STK16: variants seen among roughly 807,000 people sequenced by gnomAD.
STK16 encodes serine/threonine kinase 16, also known as serine/threonine-protein kinase 16.
Under a neutral mutation model 37.8 loss-of-function variants are expected in STK16, and 28 were observed. The observed-to-expected ratio is 0.74, with a 90% CI of 0.55 to 1.02. The LOEUF is 1.02. Ranked by LOEUF, STK16 falls within the 50% of genes least tolerant of loss-of-function variation. STK16 has a pLI of 0.00. For missense variants in STK16, 349 were observed against 390.6 expected (o/e 0.89, Z 0.90); for synonymous variants, 134 against 155.0 (o/e 0.86, Z 1.01).
chr2:219,247,890 C>A, intron 6 of STK16, 133 bp downstream of exon 6: 1 of 922,330 alleles, frequency 1.1e-6, no homozygotes, highest in Admixed American at 2.0e-5. Flanking sequence ...ACTTCAACTT[C>A]CTTCCTGGGA....
rs1372287242 is a variant in STK16 at position 219,246,562 on chromosome 2, T to A, written c.87-95T>A. On this transcript the variant is annotated intron_variant, in intron 2 of 7. Coordinates refer to ENST00000396738, the MANE Select transcript of STK16 (RefSeq NM_001330213.2). This position sits in a 1 kb window ranked among gnomAD's most constrained non-coding sequence, Gnocchi z 4.5. Reference sequence around the variant, plus strand: ...ACATCTTGGGAAGGTTTCTGCTAAATGGGAAGGACACCCCACTCCCCACCA... The same window carrying A: ...ACATCTTGGGAAGGTTTCTGCTAAAAGGGAAGGACACCCCACTCCCCACCA... 3 of 933,188 alleles carry A rather than the reference T, an allele frequency of 3.2e-6. No homozygotes were observed. The East Asian group carries it at 7.6e-5, about 24-fold the overall frequency. The allele number at this position is 933,188 out of a possible 1,614,324, so 57.8% of individuals were successfully genotyped here. A position where few individuals can be genotyped will look rare whatever the true frequency, so the allele number is the denominator to read the frequency against.
rs1184555398 is a variant in STK16 at position 219,250,020 on chromosome 2, T to C, written c.*1461T>C. ...TTCAAAGACAGAAACCACTGGATTA[T>C]ACTCCTACTTGGAAAGGAGCTGAAG... is the stretch of plus-strand genomic sequence containing the variant. On this transcript the variant is annotated 3_prime_UTR_variant, in exon 8 of 8. Coordinates refer to ENST00000396738, the MANE Select transcript of STK16 (RefSeq NM_001330213.2). This position sits in a 1 kb window ranked among gnomAD's most constrained non-coding sequence, Gnocchi z 8.4. 1 of 273,192 alleles carries C rather than the reference T, an allele frequency of 3.7e-6. No homozygotes were observed. The allele number at this position is 273,192 out of a possible 1,614,324, so 16.9% of individuals were successfully genotyped here. A position where few individuals can be genotyped will look rare whatever the true frequency, so the allele number is the denominator to read the frequency against.
chr2:219,246,686 G>A lies in STK16; in HGVS notation c.116G>A (p.Gly39Glu). The A allele has an allele frequency of 6.2e-7, 1 of 1,614,218 alleles. No individual in the cohort carries two copies. The highest frequency in any genetic ancestry group is 1.7e-5 in the Admixed American group (1 of 60,016). ...TTCAGCTATGTGGACCTAGTGGAAG[G>A]GTTACATGATGGACACTTCTACGCC... ...GGFSYVDLVEGLHDGHFYALK... is the reference protein window; with the variant it reads ...GGFSYVDLVEELHDGHFYALK... The change falls in exon 3 of 8, where the codon GGG (glycine) becomes GAG (glutamate). Residue 39 changes from glycine to glutamate, a missense_variant. Gly to Glu is a moderately conservative substitution (Grantham distance 98). Coordinates refer to ENST00000396738, the MANE Select transcript of STK16 (RefSeq NM_001330213.2). The surrounding 1 kb of genome is among the most constrained non-coding windows in gnomAD (Gnocchi z 4.5).
chr2:219,248,749 T>C lies in STK16; in HGVS notation c.*190T>C. On this transcript the variant is annotated 3_prime_UTR_variant, in exon 8 of 8. Transcript: ENST00000396738. ...AAGAGCAAAACCTGGGCAAGGGGAC[T>C]TACTGAGTGGGGGTGGGTGGGGGTT... 1 of 536,564 alleles carries C rather than the reference T, an allele frequency of 1.9e-6. No individual in the cohort carries two copies. Among genetic ancestry groups the C allele is most frequent in the Non-Finnish European group, 3.2e-6 (1 of 308,568 alleles). 33.2% of individuals were successfully genotyped at this position (536,564 alleles called of 1,614,324 possible). A position where few individuals can be genotyped will look rare whatever the true frequency, so the allele number is the denominator to read the frequency against.
chr2:219,246,320 C>T lies in STK16; in HGVS notation c.86+235C>T, dbSNP rs192280432. On this transcript the variant is annotated intron_variant, in intron 2 of 7. Transcript: ENST00000396738. This position sits in a 1 kb window ranked among gnomAD's most constrained non-coding sequence, Gnocchi z 4.5. ...TCAGCTTAATGGAGATGATTATTATCCCTCACTGATGGAGTTGTGAGGATT... is the reference window on the plus strand; with the variant it reads ...TCAGCTTAATGGAGATGATTATTATTCCTCACTGATGGAGTTGTGAGGATT... 20 of 600,906 alleles carry T rather than the reference C, an allele frequency of 3.3e-5. No individual in the cohort carries two copies. The African/African-American group carries it at 3.3e-4, about 10-fold the overall frequency. The allele number at this position is 600,906 out of a possible 1,614,324, so 37.2% of individuals were successfully genotyped here.
At position 219,246,676 on chromosome 2, in the gene STK16, C is replaced by T; in HGVS notation, c.106C>T (p.Leu36=). The T allele has an allele frequency of 1.2e-6, 2 of 1,614,144 alleles. No individual in the cohort carries two copies. Among genetic ancestry groups the T allele is most frequent in the Non-Finnish European group, 1.7e-6 (2 of 1,180,012 alleles). Residue 36 remains leucine (L), a synonymous_variant, in exon 3 of 8, where the codon CTA becomes TTA. Transcript: ENST00000396738. This position sits in a 1 kb window ranked among gnomAD's most constrained non-coding sequence, Gnocchi z 4.5. ...LGEGGFSYVD[L]VEGLHDGHFY... ...CCACAGTGGGTTCAGCTATGTGGAC[C>T]TAGTGGAAGGGTTACATGATGGACA...
chr2:219,248,300 C>T lies in STK16; in HGVS notation c.765C>T (p.Ile255=). Residue 255 remains isoleucine (I), a synonymous_variant, in exon 7 of 8, where the codon ATC becomes ATT. Transcript: ENST00000396738. ...TTGCTGTGCAGAACCAACTCAGCATCCCACAAAGCCCCAGGTGAGTGAGCA... is the reference window on the plus strand; with the variant it reads ...TTGCTGTGCAGAACCAACTCAGCATTCCACAAAGCCCCAGGTGAGTGAGCA... The part of the protein sequence containing the change: ...VALAVQNQLS[I]PQSPRHSSAL... 6.2e-7 allele frequency: 1 copy of T among 1,614,136 alleles called. No homozygotes were observed. Among genetic ancestry groups the T allele is most frequent in the South Asian group, 1.1e-5 (1 of 91,088 alleles).
chr2:219,246,159 G>A lies in STK16; in HGVS notation c.86+74G>A. On this transcript the variant is annotated intron_variant, in intron 2 of 7. Transcript: ENST00000396738. The surrounding 1 kb of genome is among the most constrained non-coding windows in gnomAD (Gnocchi z 4.5). Reference sequence around the variant, plus strand: ...AAGGACAGCGGTGTGCATATGCTTGGGGCACAAGGGTTTTATCCCTATCCC... The same window carrying A: ...AAGGACAGCGGTGTGCATATGCTTGAGGCACAAGGGTTTTATCCCTATCCC... 1 of 1,318,848 alleles carries A rather than the reference G, an allele frequency of 7.6e-7. No individual in the cohort carries two copies. Among genetic ancestry groups the A allele is most frequent in the Non-Finnish European group, 1.1e-6 (1 of 927,968 alleles). The allele number at this position is 1,318,848 out of a possible 1,614,324, so 81.7% of individuals were successfully genotyped here. A position where few individuals can be genotyped will look rare whatever the true frequency, so the allele number is the denominator to read the frequency against.
In STK16 at chr2:219,248,493, TCTC is replaced by T. The variant is rs1172049307; in HGVS notation, c.859_861del (p.Leu287del). On this transcript the variant is annotated inframe_deletion, in exon 8 of 8. Transcript: ENST00000396738. ...ACCCGCATCAGCGTCCTCACATTCC[TCTC>T]CTCCTCAGTCAGCTGGAGGCGCTTC... 4 of 1,613,912 alleles carry T rather than the reference TCTC, an allele frequency of 2.5e-6. No homozygotes were observed. The highest frequency in any genetic ancestry group is 1.3e-5 in the African/African-American group (1 of 74,990).
Position 219,247,549 on chromosome 2 carries a change from C to T in STK16, c.561+14C>T. The T allele has an allele frequency of 6.2e-7, 1 of 1,614,210 alleles. No individual in the cohort carries two copies. The highest frequency in any genetic ancestry group is 8.5e-7 in the Non-Finnish European group (1 of 1,180,030). ...CTGACCCTGCAGGTAAAAGAGTCTC[C>T]AGGTTCCTTTTCTCACCTGTTCCCC... On this transcript the variant is annotated intron_variant, in intron 5 of 7. Coordinates refer to ENST00000396738, the MANE Select transcript of STK16 (RefSeq NM_001330213.2).
rs3755052 is a variant in STK16, at chr2:219,245,533, C to G, written c.-368C>G. 0.043 allele frequency: 6,581 copies of G among 154,350 alleles called. 268 individuals are homozygous for G. Among genetic ancestry groups the G allele is most frequent in the East Asian group, 0.11 (579 of 5,182 alleles). 9.6% of individuals were successfully genotyped at this position (154,350 alleles called of 1,614,324 possible). The stretch of plus-strand genomic sequence containing the variant: ...TCTGGCCCGAGCCAGGTCAGTCCGG[C>G]AGTGCAGATGGCCCATCCCGGGCTC... On this transcript the variant is annotated 5_prime_UTR_variant, in exon 1 of 8. Transcript: ENST00000396738.
In STK16 at chr2:219,248,209, T is replaced by C; in HGVS notation, c.674T>C (p.Leu225Pro). 6.2e-7 allele frequency: 1 copy of C among 1,614,202 alleles called. No individual in the cohort carries two copies. Residue 225 changes from leucine to proline, a missense_variant, in exon 7 of 8, where the codon CTA becomes CCA. Coordinates refer to ENST00000396738, the MANE Select transcript of STK16 (RefSeq NM_001330213.2). ...TATGCTCAGTCCCTAGGCTGCGTGCTATATGCCATGATGTTTGGGGAAGGC... is the reference window on the plus strand; with the variant it reads ...TATGCTCAGTCCCTAGGCTGCGTGCCATATGCCATGATGTTTGGGGAAGGC... ...RTDVWSLGCV[L>P]YAMMFGEGPY...
Position 219,248,434 on chromosome 2 carries a change from T to C in STK16, c.793T>C (p.Leu265=), listed in dbSNP as rs1319227215. Residue 265 remains leucine, a synonymous_variant, in exon 8 of 8, where the codon TTG becomes CTG. Coordinates refer to ENST00000396738, the MANE Select transcript of STK16 (RefSeq NM_001330213.2). The stretch of plus-strand genomic sequence containing the variant: ...CTCCCTCCACAGGCATTCTTCAGCA[T>C]TGCGGCAGCTCCTGAACTCGATGAT... ...IPQSPRHSSA[L]RQLLNSMMTV... is the part of the protein sequence containing the mutation. The C allele has an allele frequency of 9.3e-6, 15 of 1,613,908 alleles. No individual in the cohort carries two copies. The highest frequency in any genetic ancestry group is 1.6e-4 in the Middle Eastern group (1 of 6,084).
chr2:219,250,191 G>A lies in STK16; in HGVS notation c.*1632G>A. ...TTTGCAGGTCTCACCTTCAGCGATG[G>A]AAGGGATAAGGGTCATGAACAGCAA... On this transcript the variant is annotated 3_prime_UTR_variant, in exon 8 of 8. Coordinates refer to ENST00000396738, the MANE Select transcript of STK16 (RefSeq NM_001330213.2). The surrounding 1 kb of genome is among the most constrained non-coding windows in gnomAD (Gnocchi z 8.4). 9.3e-7 allele frequency: 1 copy of A among 1,070,024 alleles called. No homozygotes were observed. Among genetic ancestry groups the A allele is most frequent in the East Asian group, 2.4e-5 (1 of 41,804 alleles). The allele number at this position is 1,070,024 out of a possible 1,614,324, so 66.3% of individuals were successfully genotyped here. A position where few individuals can be genotyped will look rare whatever the true frequency, so the allele number is the denominator to read the frequency against.
In STK16 at chr2:219,248,682, A is replaced by G. The variant is rs891228214; in HGVS notation, c.*123A>G. ...ACTTGGGGGTAGCGGGGTCAGGACA[A>G]TCATCTCAGTCCTGCATCTTTTCTT... On this transcript the variant is annotated 3_prime_UTR_variant, in exon 8 of 8. Coordinates refer to ENST00000396738, the MANE Select transcript of STK16 (RefSeq NM_001330213.2). The G allele has an allele frequency of 4.4e-5, 57 of 1,295,102 alleles. No homozygotes were observed. In the East Asian group the frequency reaches 8.4e-4, roughly 19 times the overall value. The allele number at this position is 1,295,102 out of a possible 1,614,324, so 80.2% of individuals were successfully genotyped here.
At position 219,247,664 on chromosome 2, in the gene STK16, C is replaced by A; in HGVS notation, c.564C>A (p.Asp188Glu). 6.2e-7 allele frequency: 1 copy of A among 1,611,746 alleles called. No homozygotes were observed. The highest frequency in any genetic ancestry group is 8.5e-7 in the Non-Finnish European group (1 of 1,178,184). Residue 188 changes from aspartate (D) to glutamate (E), a missense_variant and splice_region_variant, in exon 6 of 8, where the codon GAC (aspartate) becomes GAA (glutamate). Asp to Glu is a conservative substitution (Grantham distance 45). Transcript: ENST00000396738. ...GAGCTCTGGGATCACTGTTCCAGGA[C>A]TGGGCAGCCCAGCGGTGCACCATCT... The part of the protein sequence containing the change: ...EGSRQALTLQ[D>E]WAAQRCTISY...
At position 219,250,038 on chromosome 2, in the gene STK16, A is replaced by T. The variant is rs375486393; in HGVS notation, c.*1479A>T. The T allele has an allele frequency of 9.6e-6, 3 of 312,774 alleles. No individual in the cohort carries two copies. Among genetic ancestry groups the T allele is most frequent in the South Asian group, 1.1e-4 (2 of 18,982 alleles). 19.4% of individuals were successfully genotyped at this position (312,774 alleles called of 1,614,324 possible). A position where few individuals can be genotyped will look rare whatever the true frequency, so the allele number is the denominator to read the frequency against. On this transcript the variant is annotated 3_prime_UTR_variant, in exon 8 of 8. Transcript: ENST00000396738. This position sits in a 1 kb window ranked among gnomAD's most constrained non-coding sequence, Gnocchi z 8.4. ...TGGATTATACTCCTACTTGGAAAGG[A>T]GCTGAAGACTCATCCTTCAACAGTT...
rs150867146 is a variant in STK16, at chr2:219,245,792, A to G, written c.-109A>G. On this transcript the variant is annotated 5_prime_UTR_variant, in exon 1 of 8. Coordinates refer to ENST00000396738, the MANE Select transcript of STK16 (RefSeq NM_001330213.2). ...GAGCAGGGCCTGTTTTCTCTACACT[A>G]TAGTGTAGGTTCCAGAGACCTGGGC... is the stretch of plus-strand genomic sequence containing the variant. The G allele has an allele frequency of 7.6e-4, 356 of 470,710 alleles. 3 individuals are homozygous for G. The East Asian group carries it at 0.014, about 19-fold the overall frequency. The allele number at this position is 470,710 out of a possible 1,614,324, so 29.2% of individuals were successfully genotyped here. A position where few individuals can be genotyped will look rare whatever the true frequency, so the allele number is the denominator to read the frequency against.
Position 219,247,206 on chromosome 2 carries a change from A to AGAGGCCTTGAGGCCTT in STK16, c.414_415insTTGAGGCCTTGAGGCC (p.Ile139LeufsTer4). The AGAGGCCTTGAGGCCTT allele has an allele frequency of 6.2e-7, 1 of 1,614,244 alleles. No homozygotes were observed. Among genetic ancestry groups the AGAGGCCTTGAGGCCTT allele is most frequent in the Non-Finnish European group, 8.5e-7 (1 of 1,180,036 alleles). On this transcript the variant is annotated frameshift_variant, in exon 4 of 8. Coordinates refer to ENST00000396738, the MANE Select transcript of STK16 (RefSeq NM_001330213.2). LOFTEE classifies it high-confidence loss of function. ...CCTTTGGCTGCTGCTGGGGATCTGC[A>AGAGGCCTTGAGGCCTT]GAGGCCTTGAGGCCATTCATGCCAA...
Sources: allele counts gnomAD v4.1 joint callset, GRCh38; gene constraint gnomAD v4.1.1; non-coding constraint Gnocchi (gnomAD v3.1); transcripts MANE v1.5; gene names NCBI Gene and HGNC (gene_info 2026-07-23, HGNC 2026-07-21).